Variants in KLHL25 observed in about 807,000 individuals in gnomAD.
KLHL25 encodes the protein kelch like family member 25, also known as kelch-like protein 25.
In KLHL25, 41 loss-of-function variants were observed where a neutral mutation model predicts 30.0. The ratio of observed to expected loss-of-function variants is 1.37; its 90% CI spans 1.07 to 1.78. The LOEUF (loss-of-function observed/expected upper bound fraction) is 1.78, where lower values mean the gene tolerates loss of function less well. Ranked by LOEUF, KLHL25 falls within the 40% of genes most tolerant of loss-of-function variation. KLHL25 has a pLI of 0.00. For synonymous variants in KLHL25, 399 were observed against 355.3 expected (o/e 1.12, Z -1.38); for missense variants, 971 against 824.5 (o/e 1.18, Z -2.18).
chr15:85,786,081 T>A (rs1052298636), intron 1 of KLHL25, among the ~76,000 whole-genome samples: 1 of 150,476 alleles, frequency 6.6e-6, no homozygotes, highest in African/African-American at 2.4e-5. Context: ...ACGCAAAAAC[T>A]GCTTTCAGCG....
intron 1 of KLHL25, among the ~76,000 whole-genome samples, chr15:85,774,140 G>A (rs997169979): frequency 1.3e-5 from 2 of 152,266 alleles, no homozygotes; most frequent in Admixed American, 6.5e-5. Context: ...CCAAAAGCAG[G>A]CCCCGGGAAG....
intron 1 of KLHL25, among the ~76,000 whole-genome samples, chr15:85,791,332 CA>C (rs2089815477): frequency 6.6e-6 from 1 of 150,716 alleles, no homozygotes; most frequent in Non-Finnish European, 1.5e-5. Context: ...CCCGTCTCTA[CA>C]AAAATACAAA....
At chr15:85,786,079 A>G (rs1306338564) in intron 1 of KLHL25, among the ~76,000 whole-genome samples, 1 of 151,880 alleles carries the variant, frequency 6.6e-6, no homozygotes, top group East Asian at 1.9e-4. Context: ...AAACGCAAAA[A>G]CTGCTTTCAG....
chr15:85,787,050 C>G (rs1053514507), intron 1 of KLHL25, among the ~76,000 whole-genome samples: 3 of 152,236 alleles, frequency 2.0e-5, no homozygotes, highest in Middle Eastern at 6.8e-3. Context: ...GGACTAGAAT[C>G]AAAGGACAAA....
rs1050161154 is a variant in KLHL25, at chr15:85,759,496, G to T, written c.*1540C>A. The stretch of plus-strand genomic sequence containing the variant: ...AGTCCCCGCGGCCAGGCTCCTGAGT[G>T]TGCCAGCAGAGCCGTCCCCTGGGAC... On this transcript the variant is annotated 3_prime_UTR_variant, in exon 3 of 3. Transcript: ENST00000337975. 2 of 152,462 alleles carry T rather than the reference G, an allele frequency of 1.3e-5. No individual in the cohort carries two copies. The highest frequency in any genetic ancestry group is 4.8e-5 in the African/African-American group (2 of 41,464). 9.4% of individuals were successfully genotyped at this position (152,462 alleles called of 1,614,324 possible).
chr15:85,792,745 G>T (rs546303241), intron 1 of KLHL25, among the ~76,000 whole-genome samples: 2 of 152,274 alleles, frequency 1.3e-5, no homozygotes, highest in South Asian at 2.1e-4. Context: ...CAGGACAAAG[G>T]TGGCTGCCCT....
At chr15:85,772,612 G>A (rs1323588987) in intron 1 of KLHL25, among the ~76,000 whole-genome samples, 1 of 152,232 alleles carries the variant, frequency 6.6e-6, no homozygotes, top group Non-Finnish European at 1.5e-5. Flanking sequence ...TGGGCTGCCT[G>A]CGAGAGTACC....
At chr15:85,781,429 G>C (rs748371679) in intron 1 of KLHL25, among the ~76,000 whole-genome samples, 1 of 152,198 alleles carries the variant, frequency 6.6e-6, no homozygotes, top group Non-Finnish European at 1.5e-5. Context: ...TCCACCAAGA[G>C]AATCTCAGGG....
Position 85,768,741 on chromosome 15 carries a change from T to G in KLHL25, c.1070A>C (p.Asp357Ala). 6.2e-7 allele frequency: 1 copy of G among 1,613,170 alleles called. No homozygotes were observed. The highest frequency in any genetic ancestry group is 1.1e-5 in the South Asian group (1 of 91,070). ...ATGTACGGTGTCGTACACCCAGACATCCTTGGAGACCCCGTTCTCGGAGCC... is the reference window on the plus strand; with the variant it reads ...ATGTACGGTGTCGTACACCCAGACAGCCTTGGAGACCCCGTTCTCGGAGCC... ...GRGSENGVSKDVWVYDTVHEE... is the reference protein window; with the variant it reads ...GRGSENGVSKAVWVYDTVHEE... The change falls in exon 2 of 3, where the codon GAT becomes GCT. Residue 357 changes from aspartate to alanine, a missense_variant. Physicochemically the swap from Asp to Ala is moderately radical, Grantham distance 126. Coordinates refer to ENST00000337975, the MANE Select transcript of KLHL25 (RefSeq NM_022480.4).
At chr15:85,781,465 T>C (rs375801445) in intron 1 of KLHL25, among the ~76,000 whole-genome samples, 33 of 152,242 alleles carry the variant, frequency 2.2e-4, no homozygotes, top group Middle Eastern at 3.4e-3. Context: ...TTTGAGAACA[T>C]TGCGGTAGCG....
intron 1 of KLHL25, among the ~76,000 whole-genome samples, chr15:85,786,372 G>A (rs530769082): frequency 1.7e-4 from 26 of 152,274 alleles, no homozygotes; most frequent in Admixed American, 4.6e-4. Context: ...TGGCCAAAAC[G>A]TCCCCAGGTA....
rs188980783 is a variant in KLHL25 at position 85,786,452 on chromosome 15, C to T, written c.-11+8314G>A. ...GTTCCCTGGCTCCTCTATCATGGGG[C>T]CCGATGCCTCCTGGGACCACACAGG... On this transcript the variant is annotated intron_variant, in intron 1 of 2. Transcript: ENST00000337975. Among the ~76,000 whole-genome samples the T allele has an allele frequency of 8.5e-5, 13 of 152,360 alleles. No homozygotes were observed. In the East Asian group the frequency reaches 2.3e-3, roughly 27 times the overall value.
intron 1 of KLHL25, among the ~76,000 whole-genome samples, chr15:85,783,214 C>A (rs1444016023): frequency 6.6e-6 from 1 of 152,170 alleles, no homozygotes; most frequent in Non-Finnish European, 1.5e-5. Flanking sequence ...TATTCTCCTG[C>A]TTCAGCCTCC....
At chr15:85,791,987 C>A (rs4843098) in intron 1 of KLHL25, among the ~76,000 whole-genome samples, 76,728 of 151,956 alleles carry the variant, frequency 0.5, 19,967 homozygotes, top group South Asian at 0.6. Flanking sequence ...CCCACCTAAT[C>A]CCACAGCACC....
chr15:85,785,555 A>G (rs1396145091), intron 1 of KLHL25, among the ~76,000 whole-genome samples: 1 of 148,182 alleles, frequency 6.7e-6, no homozygotes, highest in Non-Finnish European at 1.5e-5. Context: ...AGCAAAACCC[A>G]GCAAAGTCCT....
intron 1 of KLHL25, among the ~76,000 whole-genome samples, chr15:85,791,734 G>A (rs1367162718): frequency 6.6e-6 from 1 of 152,104 alleles, no homozygotes; most frequent in African/African-American, 2.4e-5. Context: ...GGAAAGGGGA[G>A]CCCGGCATGA....
intron 1 of KLHL25, among the ~76,000 whole-genome samples, chr15:85,783,144 A>C (rs1472944645): frequency 6.6e-6 from 1 of 152,158 alleles, no homozygotes; most frequent in Non-Finnish European, 1.5e-5. Context: ...CTATCGCCCA[A>C]GCTGGAGTGC....
intron 1 of KLHL25, among the ~76,000 whole-genome samples, chr15:85,774,597 G>T (rs1485022372): frequency 6.6e-6 from 1 of 152,158 alleles, no homozygotes; most frequent in Non-Finnish European, 1.5e-5. Context: ...CTTTTTCCGT[G>T]CCAGTCTCAG....
intron 1 of KLHL25, among the ~76,000 whole-genome samples, chr15:85,787,435 A>G (rs894497164): frequency 6.6e-6 from 1 of 152,188 alleles, no homozygotes; most frequent in African/African-American, 2.4e-5. Flanking sequence ...GACAAGAGCG[A>G]AACTCAGTCT....
Sources: gnomAD v4.1 joint callset for allele counts (sites outside exome capture counted in the v4.1 genomes callset) on GRCh38, gnomAD v4.1.1 for gene constraint, MANE v1.5 for transcripts, NCBI Gene and HGNC (gene_info 2026-07-23, HGNC 2026-07-21) for gene names.